NOVA1: variants seen among roughly 807,000 people sequenced by gnomAD.
NOVA1 encodes RNA-binding protein Nova-1.
Under a neutral mutation model 38.0 loss-of-function variants are expected in NOVA1, and 7 were observed. The observed-to-expected ratio is 0.18, with a 90% CI of 0.10 to 0.35. The LOEUF (loss-of-function observed/expected upper bound fraction) is 0.35. NOVA1 is among the 10% of genes least tolerant of loss of function. The pLI, the probability that NOVA1 is intolerant of heterozygous loss-of-function variation, is 1.00. For synonymous variants in NOVA1, 270 were observed against 232.5 expected, an observed-to-expected ratio of 1.16 and a Z score of -1.47; for missense variants, 460 against 616.0, an observed-to-expected ratio of 0.75 and a Z score of 2.68.
intron 2 of NOVA1, among the ~76,000 whole-genome samples, chr14:26,580,229 A>ATGTC (rs1893125065): frequency 1.3e-5 from 2 of 152,152 alleles, no homozygotes; most frequent in South Asian, 4.1e-4. Flanking sequence ...AGATCATGAA[A>ATGTC]GACAATATTA....
intron 3 of NOVA1, among the ~76,000 whole-genome samples, chr14:26,474,893 C>G (rs1884855994): frequency 6.6e-6 from 1 of 151,638 alleles, no homozygotes. Flanking sequence ...CTTTTAAGCA[C>G]AAAAAGACCC....
intron 2 of NOVA1, among the ~76,000 whole-genome samples, chr14:26,583,881 T>TCACACACACACACA: frequency 6.8e-6 from 1 of 146,032 alleles, no homozygotes; most frequent in African/African-American, 2.5e-5. Flanking sequence ...AGCATCAAAT[T>TCACACACACACACA]CACACACACA....
intron 4 of NOVA1, among the ~76,000 whole-genome samples, chr14:26,468,370 C>T (rs1395588121): frequency 3.9e-5 from 6 of 151,974 alleles, no homozygotes; most frequent in South Asian, 2.1e-4. Flanking sequence ...TGAACAGGGA[C>T]GCATATTAGT....
intron 2 of NOVA1, among the ~76,000 whole-genome samples, chr14:26,514,773 T>C (rs1888338248): frequency 6.6e-6 from 1 of 151,778 alleles, no homozygotes; most frequent in South Asian, 2.1e-4. Flanking sequence ...CTTTTACTGA[T>C]GAAAATGTAT....
chr14:26,448,338 G>T lies in NOVA1; in HGVS notation c.1145C>A (p.Thr382Lys). 1 of 1,608,980 alleles carries T rather than the reference G, an allele frequency of 6.2e-7. No individual in the cohort carries two copies. The highest frequency in any genetic ancestry group is 8.5e-7 in the Non-Finnish European group (1 of 1,178,228). The change falls in exon 5 of 5, where the codon ACA (threonine) becomes AAA (lysine). Residue 382 changes from threonine to lysine, a missense_variant. Physicochemically the swap from Thr to Lys is moderately conservative, Grantham distance 78. Transcript: ENST00000539517. The surrounding 1 kb of genome is among the most constrained non-coding windows in gnomAD (Gnocchi z 5.3). ...AGCAGCCAGGCTACCTAATGCAAATGTCCCCGCCGTACCACCAGCTGTGCT... is the reference window on the plus strand; with the variant it reads ...AGCAGCCAGGCTACCTAATGCAAATTTCCCCGCCGTACCACCAGCTGTGCT... ...SGSTAGGTAG[T>K]FALGSLAAAT...
chr14:26,456,227 C>A (rs178225), intron 4 of NOVA1, among the ~76,000 whole-genome samples: 145,725 of 151,998 alleles, frequency 0.96, 70,146 homozygotes, highest in East Asian at 1. Context: ...CGAAGATAAA[C>A]ATAGGGCTGT....
At position 26,502,606 on chromosome 14, in the gene NOVA1, GAA is replaced by G. The variant is rs35977485; in HGVS notation, c.281-22465_281-22464del. Among the ~76,000 whole-genome samples, 586 of 126,576 alleles carry G rather than the reference GAA, an allele frequency of 4.6e-3. 7 individuals carry two copies. The highest frequency in any genetic ancestry group is 0.015 in the African/African-American group (545 of 36,250). The allele number at this position is 126,576 out of a possible 152,430, so 83.0% of individuals were successfully genotyped here. A position where few individuals can be genotyped will look rare whatever the true frequency, so the allele number is the denominator to read the frequency against. ...TGAGTTTCAACATAACATGTTTCCA[GAA>G]AAAAAAAAAAAAGCCTACTTATAGT... is the stretch of plus-strand genomic sequence containing the variant. On this transcript the variant is annotated intron_variant, in intron 2 of 4. Coordinates refer to ENST00000539517, the MANE Select transcript of NOVA1 (RefSeq NM_002515.3).
At chr14:26,577,452 T>C (rs1168800115) in intron 2 of NOVA1, among the ~76,000 whole-genome samples, 1 of 152,098 alleles carries the variant, frequency 6.6e-6, no homozygotes, top group Non-Finnish European at 1.5e-5. Flanking sequence ...TACTTTTTTT[T>C]GTCATTCACC....
At chr14:26,483,427 G>A (rs1247237333) in intron 2 of NOVA1, among the ~76,000 whole-genome samples, 1 of 152,132 alleles carries the variant, frequency 6.6e-6, no homozygotes. Context: ...GACATTGATA[G>A]AGTTAGAAAA....
chr14:26,480,074 G>T lies in NOVA1; in HGVS notation c.350C>A (p.Ala117Glu), dbSNP rs1885332734. ...EALNAVHGFI[A>E]EKIREMPQNV... The stretch of plus-strand genomic sequence containing the variant: ...TTGGGGCATTTCTCGAATTTTTTCT[G>T]CAATGAATCCATGAACTGCATTCAG... Residue 117 changes from alanine (A) to glutamate (E), a missense_variant, in exon 3 of 5, where the codon GCA becomes GAA. Physicochemically the swap from Ala to Glu is moderately radical, Grantham distance 107. Coordinates refer to ENST00000539517, the MANE Select transcript of NOVA1 (RefSeq NM_002515.3). 1 of 1,613,778 alleles carries T rather than the reference G, an allele frequency of 6.2e-7. No homozygotes were observed. The highest frequency in any genetic ancestry group is 8.5e-7 in the Non-Finnish European group (1 of 1,179,980).
chr14:26,561,002 G>T (rs573900274), intron 2 of NOVA1, among the ~76,000 whole-genome samples: 1 of 152,098 alleles, frequency 6.6e-6, no homozygotes, highest in East Asian at 1.9e-4. Flanking sequence ...GGATGGTTTT[G>T]GGATGAAACT....
At chr14:26,455,873 C>A (rs956582619) in intron 4 of NOVA1, among the ~76,000 whole-genome samples, 2 of 151,796 alleles carry the variant, frequency 1.3e-5, no homozygotes, top group Non-Finnish European at 2.9e-5. Context: ...TAAACTATTG[C>A]AGGAAAGCCC....
chr14:26,591,923 T>G (rs535335327), intron 2 of NOVA1, among the ~76,000 whole-genome samples: 1 of 151,092 alleles, frequency 6.6e-6, no homozygotes, highest in South Asian at 2.1e-4. Context: ...AAAGGAAATA[T>G]TTTTATTAAA....
rs374999179 is a variant in NOVA1 at position 26,493,952 on chromosome 14, T to C, written c.281-13809A>G. On this transcript the variant is annotated intron_variant, in intron 2 of 4. Coordinates refer to ENST00000539517, the MANE Select transcript of NOVA1 (RefSeq NM_002515.3). ...AGGAGCAGAAAAGAAAGGTCAGTGGTATCATACCCTTAAAATAACAAGCTG... is the reference window on the plus strand; with the variant it reads ...AGGAGCAGAAAAGAAAGGTCAGTGGCATCATACCCTTAAAATAACAAGCTG... Among the ~76,000 whole-genome samples the C allele has an allele frequency of 5.3e-5, 8 of 152,292 alleles. No homozygotes were observed. In the East Asian group the frequency reaches 9.7e-4, roughly 18 times the overall value.
At chr14:26,561,691 A>C (rs1891837895) in intron 2 of NOVA1, among the ~76,000 whole-genome samples, 2 of 152,162 alleles carry the variant, frequency 1.3e-5, no homozygotes, top group Admixed American at 6.5e-5. Context: ...ATTATAACTA[A>C]ATTTATATTT....
In NOVA1 at chr14:26,522,519, A is replaced by C. The variant is rs148678368; in HGVS notation, c.281-42376T>G. The stretch of plus-strand genomic sequence containing the variant: ...GGTTGAATTCATTGTAAACGTTATC[A>C]AGTCTACACAAAAAGCTAATTTTCG... On this transcript the variant is annotated intron_variant, in intron 2 of 4. Coordinates refer to ENST00000539517, the MANE Select transcript of NOVA1 (RefSeq NM_002515.3). Among the ~76,000 whole-genome samples the C allele has an allele frequency of 3.3e-3, 508 of 152,236 alleles. 3 individuals carry two copies. The highest frequency in any genetic ancestry group is 0.012 in the African/African-American group (488 of 41,556).
chr14:26,501,460 A>C (rs1887235840), intron 2 of NOVA1, among the ~76,000 whole-genome samples: 1 of 152,032 alleles, frequency 6.6e-6, no homozygotes, highest in Non-Finnish European at 1.5e-5. Flanking sequence ...GTATACAGAC[A>C]AGCTATTATT....
intron 2 of NOVA1, among the ~76,000 whole-genome samples, chr14:26,544,147 A>G (rs1168099251): frequency 6.6e-6 from 1 of 151,950 alleles, no homozygotes. Context: ...ACATTAATCC[A>G]TTTTTAAAGG....
At chr14:26,502,092 G>A (rs1036529281) in intron 2 of NOVA1, among the ~76,000 whole-genome samples, 5 of 151,840 alleles carry the variant, frequency 3.3e-5, no homozygotes, top group Non-Finnish European at 7.4e-5. Flanking sequence ...AGATAAAAAT[G>A]AATTGTTTGG....
Sources: gnomAD v4.1 joint callset for allele counts (sites outside exome capture counted in the v4.1 genomes callset) on GRCh38, gnomAD v4.1.1 for gene constraint, Gnocchi (gnomAD v3.1) non-coding constraint, MANE v1.5 for transcripts, NCBI Gene and HGNC (gene_info 2026-07-23, HGNC 2026-07-21) for gene names.